RIMS1: variants seen among roughly 807,000 people sequenced by gnomAD.
RIMS1 encodes the protein regulating synaptic membrane exocytosis 1.
RIMS1 carries 83 observed loss-of-function variants against 214.1 expected under a neutral mutation model. The ratio of observed to expected loss-of-function variants is 0.39; its 90% CI spans 0.32 to 0.47. The LOEUF is 0.47. RIMS1 is among the 20% of genes least tolerant of loss of function. RIMS1 has a pLI of 0.99. For synonymous variants in RIMS1, 793 were observed against 786.8 expected (o/e 1.01, Z -0.13); for missense variants, 2,050 against 2,161.8 (o/e 0.95, Z 1.03).
chr6:71,886,578 GC>G lies in RIMS1; in HGVS notation c.-444del. On this transcript the variant is annotated 5_prime_UTR_variant, in exon 1 of 34. Transcript: ENST00000521978. ...TTGGAGGCAGCAGAGCCTGGGAGCA[GC>G]CTCCACGGCGGCAGCGGCCGCCCCA... 1 of 152,604 alleles carries G rather than the reference GC, an allele frequency of 6.6e-6. No individual in the cohort carries two copies. The highest frequency in any genetic ancestry group is 1.5e-5 in the Non-Finnish European group (1 of 67,724). 9.5% of individuals were successfully genotyped at this position (152,604 alleles called of 1,614,324 possible). A position where few individuals can be genotyped will look rare whatever the true frequency, so the allele number is the denominator to read the frequency against.
At chr6:72,381,338 T>C (rs1350579470) in intron 29 of RIMS1, among the ~76,000 whole-genome samples, 1 of 152,214 alleles carries the variant, frequency 6.6e-6, no homozygotes, top group Non-Finnish European at 1.5e-5. Context: ...ACAACTACAG[T>C]CACATTCTGA....
intron 4 of RIMS1, among the ~76,000 whole-genome samples, chr6:72,162,900 C>A (rs2045666635): frequency 7.2e-6 from 1 of 138,232 alleles, no homozygotes; most frequent in Admixed American, 7.5e-5. Context: ...ATCTTTGTGT[C>A]ATTCTCTGTA....
chr6:71,987,201 T>C (rs374061405), intron 2 of RIMS1, among the ~76,000 whole-genome samples: 2 of 152,310 alleles, frequency 1.3e-5, no homozygotes, highest in Non-Finnish European at 1.5e-5. Context: ...ACCTAGGGGC[T>C]TCTGTAAAAT....
At chr6:72,237,981 G>A (rs966175873) in intron 9 of RIMS1, 59 bp downstream of exon 9, 8 of 1,223,242 alleles carry the variant, frequency 6.5e-6, no homozygotes, top group African/African-American at 4.6e-5. Context: ...ACATGAATTG[G>A]TGGTTTTCAA....
In RIMS1 at chr6:72,400,831, G is replaced by A; in HGVS notation, c.*117G>A. On this transcript the variant is annotated 3_prime_UTR_variant, in exon 34 of 34. Transcript: ENST00000521978. ...CAGACAATCAACTTGTGTTTTGCCT[G>A]TAGTAGTTTTTCAATAATATGTCCC... The A allele has an allele frequency of 1.2e-6, 1 of 829,104 alleles. No individual in the cohort carries two copies. The highest frequency in any genetic ancestry group is 1.9e-6 in the Non-Finnish European group (1 of 532,596). 51.4% of individuals were successfully genotyped at this position (829,104 alleles called of 1,614,324 possible).
chr6:71,938,475 C>A lies in RIMS1; in HGVS notation c.165-30508C>A, dbSNP rs73545382. ...CTATGTAGACAACACTATGCCTACA[C>A]AACTGTTGCATTCTGCATGCCTGAA... On this transcript the variant is annotated intron_variant, in intron 1 of 33. Transcript: ENST00000521978. Among the ~76,000 whole-genome samples the A allele has an allele frequency of 8.0e-3, 1,212 of 152,336 alleles. 20 individuals carry two copies. The highest frequency in any genetic ancestry group is 0.028 in the African/African-American group (1,164 of 41,582).
At chr6:71,987,286 T>C (rs543016100) in intron 2 of RIMS1, among the ~76,000 whole-genome samples, 2 of 152,320 alleles carry the variant, frequency 1.3e-5, no homozygotes, top group South Asian at 4.1e-4. Context: ...TTATTTCTCA[T>C]AGTTCTGGAG....
intron 1 of RIMS1, among the ~76,000 whole-genome samples, chr6:71,931,937 C>A (rs551304046): frequency 6.6e-6 from 1 of 151,988 alleles, no homozygotes; most frequent in East Asian, 1.9e-4. Context: ...TACCATCTTA[C>A]ACCAGTCAGA....
At chr6:72,361,376 G>A (rs1440886584) in intron 29 of RIMS1, among the ~76,000 whole-genome samples, 3 of 151,902 alleles carry the variant, frequency 2.0e-5, no homozygotes, top group Non-Finnish European at 2.9e-5. Flanking sequence ...AAAGTGCTGG[G>A]ATTACAGGTG....
At chr6:72,001,192 C>T (rs755955122) in intron 2 of RIMS1, among the ~76,000 whole-genome samples, 4 of 152,182 alleles carry the variant, frequency 2.6e-5, no homozygotes, top group Non-Finnish European at 5.9e-5. Context: ...TGACCACACA[C>T]TACATTTCCA....
intron 29 of RIMS1, among the ~76,000 whole-genome samples, chr6:72,338,525 A>G (rs1330733966): frequency 6.6e-6 from 1 of 152,094 alleles, no homozygotes; most frequent in Non-Finnish European, 1.5e-5. Context: ...CATCAGAGTG[A>G]ACAGGCAACC....
intron 28 of RIMS1, among the ~76,000 whole-genome samples, chr6:72,318,062 C>T (rs1380366648): frequency 6.6e-6 from 1 of 152,118 alleles, no homozygotes; most frequent in African/African-American, 2.4e-5. Context: ...AGTGTTCAAT[C>T]TAACTATTCA....
chr6:71,962,321 G>T (rs979489686), intron 1 of RIMS1, among the ~76,000 whole-genome samples: 5 of 151,824 alleles, frequency 3.3e-5, no homozygotes, highest in African/African-American at 1.2e-4. Context: ...ATATTGTTTT[G>T]TGAATAATTT....
At chr6:72,369,546 C>A (rs761475008) in intron 29 of RIMS1, among the ~76,000 whole-genome samples, 5 of 152,218 alleles carry the variant, frequency 3.3e-5, no homozygotes, top group Non-Finnish European at 7.3e-5. Context: ...CTGCAGTCTG[C>A]AGGTAGATTT....
intron 4 of RIMS1, among the ~76,000 whole-genome samples, chr6:72,159,187 A>G (rs1224072208): frequency 2.1e-5 from 3 of 141,102 alleles, no homozygotes; most frequent in Non-Finnish European, 4.8e-5. Context: ...TTGGCTGCAT[A>G]AATGTCTTCT....
At chr6:72,354,202 A>C (rs1270181490) in intron 29 of RIMS1, among the ~76,000 whole-genome samples, 3 of 152,202 alleles carry the variant, frequency 2.0e-5, no homozygotes, top group Non-Finnish European at 4.4e-5. Context: ...CCTGGGCAAC[A>C]GAGTGAGACT....
intron 29 of RIMS1, among the ~76,000 whole-genome samples, chr6:72,370,962 T>G: frequency 6.6e-6 from 1 of 152,116 alleles, no homozygotes; most frequent in Non-Finnish European, 1.5e-5. Flanking sequence ...TGTCTTCCCA[T>G]GAAAGTTAAA....
intron 2 of RIMS1, among the ~76,000 whole-genome samples, chr6:72,015,907 C>T (rs977641928): frequency 6.6e-6 from 1 of 152,102 alleles, no homozygotes; most frequent in African/African-American, 2.4e-5. Context: ...GGCTGGGTGA[C>T]AGAGCGAGAC....
chr6:71,989,695 T>G (rs987226381), intron 2 of RIMS1, among the ~76,000 whole-genome samples: 2 of 152,220 alleles, frequency 1.3e-5, no homozygotes, highest in African/African-American at 2.4e-5. Context: ...TCAGTAGATA[T>G]ATGTTGAGCA....
Sources: allele counts gnomAD v4.1 joint callset (sites outside exome capture counted in the v4.1 genomes callset), GRCh38; gene constraint gnomAD v4.1.1; transcripts MANE v1.5; gene names NCBI Gene and HGNC (gene_info 2026-07-23, HGNC 2026-07-21).